The following GIGYF2 variants were observed in gnomAD, a reference collection of about 807,000 sequenced individuals.
The protein encoded by GIGYF2 is GRB10-interacting GYF protein 2.
Under a neutral mutation model 208.1 loss-of-function variants are expected in GIGYF2, and 25 were observed. The ratio of observed to expected loss-of-function variants is 0.12; its 90% confidence interval spans 0.09 to 0.17. The LOEUF is 0.17. Ranked by LOEUF, GIGYF2 falls within the 10% of genes least tolerant of loss-of-function variation. The pLI is 1.00. For synonymous variants in GIGYF2, 534 were observed against 543.8 expected (o/e 0.98, Z 0.25); for missense variants, 1,302 against 1,579.4 (o/e 0.82, Z 2.98).
chr2:232,729,188 CA>C (rs1309061243), intron 2 of GIGYF2, among the ~76,000 whole-genome samples: 1 of 151,982 alleles, frequency 6.6e-6, no homozygotes, highest in Non-Finnish European at 1.5e-5. Flanking sequence ...TCATGTTGTC[CA>C]GACTGTTCTT....
At chr2:232,845,709 A>G (rs948331653) in intron 25 of GIGYF2, 23 bp from the exon 26 acceptor site, 4 of 1,565,786 alleles carry the variant, frequency 2.6e-6, no homozygotes, top group Non-Finnish European at 3.5e-6. Flanking sequence ...GGAATATAAT[A>G]TCACCCTATT....
chr2:232,787,688 T>C (rs1008706110), intron 9 of GIGYF2, among the ~76,000 whole-genome samples: 2 of 152,196 alleles, frequency 1.3e-5, no homozygotes, highest in African/African-American at 2.4e-5. Flanking sequence ...ACTTGAAATA[T>C]GTGCTTCCCT....
intron 8 of GIGYF2, among the ~76,000 whole-genome samples, chr2:232,782,059 A>C (rs1206477512): frequency 6.6e-6 from 1 of 152,208 alleles, no homozygotes; most frequent in Non-Finnish European, 1.5e-5. Context: ...CCTGGGGATC[A>C]GGTGCTATGT....
intron 12 of GIGYF2, among the ~76,000 whole-genome samples, chr2:232,793,763 A>T (rs1365547625): frequency 6.6e-6 from 1 of 152,178 alleles, no homozygotes; most frequent in Admixed American, 6.5e-5. Flanking sequence ...CCAGAGAAAA[A>T]TCCTCAGAGG....
At chr2:232,843,558 G>GT (rs1376946663) in intron 23 of GIGYF2, among the ~76,000 whole-genome samples, 1 of 118,906 alleles carries the variant, frequency 8.4e-6, no homozygotes, top group Non-Finnish European at 1.7e-5. Flanking sequence ...GCGAGACCCT[G>GT]TCTCAAAAAA....
intron 9 of GIGYF2, among the ~76,000 whole-genome samples, chr2:232,790,224 G>A (rs1214365697): frequency 1.3e-5 from 2 of 152,134 alleles, no homozygotes; most frequent in Non-Finnish European, 2.9e-5. Context: ...TTTGATATAA[G>A]TCAACACAGG....
chr2:232,761,677 A>G, intron 8 of GIGYF2: 1 of 337,042 alleles, frequency 3.0e-6, no homozygotes. Context: ...CTGAAGACTC[A>G]AGTTAGGAAC....
intron 6 of GIGYF2, 55 bp from the exon 7 acceptor site, chr2:232,760,425 T>G: frequency 9.2e-7 from 1 of 1,082,846 alleles, no homozygotes; most frequent in South Asian, 1.3e-5. Flanking sequence ...TGGTGGTGAA[T>G]GTGTGCCACA....
intron 2 of GIGYF2, among the ~76,000 whole-genome samples, chr2:232,704,973 C>T (rs1696025186): frequency 6.6e-6 from 1 of 150,380 alleles, no homozygotes; most frequent in Non-Finnish European, 1.5e-5. Context: ...AATTCTCCTG[C>T]CTCAGCCTCC....
At chr2:232,833,780 C>T (rs1701497180) in intron 22 of GIGYF2, among the ~76,000 whole-genome samples, 1 of 151,802 alleles carries the variant, frequency 6.6e-6, no homozygotes. Flanking sequence ...TAAATGGGAA[C>T]TAGAATATAG....
At chr2:232,697,487 T>C (rs4144797) in intron 1 of GIGYF2, 95 bp downstream of exon 1, 109,786 of 153,270 alleles carry the variant, frequency 0.72, 40,080 homozygotes, top group East Asian at 0.88. Flanking sequence ...CCGGTCCGCG[T>C]TCGCGCCCCT....
intron 21 of GIGYF2, among the ~76,000 whole-genome samples, chr2:232,829,239 T>A (rs1413168855): frequency 6.6e-6 from 1 of 152,198 alleles, no homozygotes; most frequent in Admixed American, 6.5e-5. Flanking sequence ...GAACCTTTTA[T>A]TGTTACGAAA....
chr2:232,756,197 C>CTTTTTTTTTTTTTTTTTTTTTTGT, intron 5 of GIGYF2, 26 bp from the exon 6 acceptor site: 1 of 709,936 alleles, frequency 1.4e-6, no homozygotes, highest in Non-Finnish European at 2.2e-6. Flanking sequence ...TCCTTTTTCT[C>CTTTTTTTTTTTTTTTTTTTTTTGT]TTTTTTTTTT....
chr2:232,836,379 TATAA>T (rs1302362228), intron 22 of GIGYF2, among the ~76,000 whole-genome samples: 5 of 50,212 alleles, frequency 1.0e-4, no homozygotes, highest in Non-Finnish European at 1.8e-4. Flanking sequence ...TATATATAAA[TATAA>T]ATATATATAA....
At position 232,784,386 on chromosome 2, in the gene GIGYF2, C is replaced by CTTTTTTTTTTTTTTT. The variant is rs10645449; in HGVS notation, c.533-2757_533-2743dup. Among the ~76,000 whole-genome samples, 72 of 92,310 alleles carry CTTTTTTTTTTTTTTT rather than the reference C, an allele frequency of 7.8e-4. 7 individuals are homozygous for CTTTTTTTTTTTTTTT. Among genetic ancestry groups the CTTTTTTTTTTTTTTT allele is most frequent in the Non-Finnish European group, 1.4e-3 (67 of 49,048 alleles). The allele number at this position is 92,310 out of a possible 152,430, so 60.6% of individuals were successfully genotyped here. ...TCTAGCTACTTACACGAAATAATTT[C>CTTTTTTTTTTTTTTT]TTTTTTTTTTTTTTTTTTTTTGAGA... On this transcript the variant is annotated intron_variant, in intron 8 of 28. Coordinates refer to ENST00000373563, the MANE Select transcript of GIGYF2 (RefSeq NM_001103146.3).
intron 4 of GIGYF2, among the ~76,000 whole-genome samples, chr2:232,748,509 T>A (rs1698230985): frequency 6.6e-6 from 1 of 152,244 alleles, no homozygotes; most frequent in Non-Finnish European, 1.5e-5. Flanking sequence ...GGTCTCCAAC[T>A]TCTGCCCTCA....
At chr2:232,757,757 T>A (rs1574843173) in intron 6 of GIGYF2, among the ~76,000 whole-genome samples, 1 of 149,044 alleles carries the variant, frequency 6.7e-6, no homozygotes, top group African/African-American at 2.5e-5. Flanking sequence ...TACCAACCAA[T>A]CTCTGAACAG....
At chr2:232,754,426 G>A (rs527488307) in intron 5 of GIGYF2, among the ~76,000 whole-genome samples, 19 of 152,274 alleles carry the variant, frequency 1.2e-4, no homozygotes, top group African/African-American at 4.1e-4. Context: ...CTTCTATAGA[G>A]ATTATACTAG....
At chr2:232,800,423 A>G (rs1700361069) in intron 14 of GIGYF2, among the ~76,000 whole-genome samples, 1 of 152,070 alleles carries the variant, frequency 6.6e-6, no homozygotes. Flanking sequence ...TTTTCAAAAT[A>G]TTTGACCATG....
Sources: allele counts gnomAD v4.1 joint callset (sites outside exome capture counted in the v4.1 genomes callset), GRCh38; gene constraint gnomAD v4.1.1; transcripts MANE v1.5; gene names NCBI Gene and HGNC (gene_info 2026-07-23, HGNC 2026-07-21).